CELF2: variants seen among roughly 807,000 people sequenced by gnomAD.
CELF2 encodes the protein CUGBP Elav-like family member 2, also known as CUG triplet repeat RNA-binding protein 2.
In CELF2, 8 loss-of-function variants were observed where a neutral mutation model predicts 62.6. The ratio of observed to expected loss-of-function variants is 0.13; its 90% CI spans 0.07 to 0.23. CELF2 has a LOEUF of 0.23. Among genes scored for constraint, CELF2 ranks in the 10% least tolerant of loss-of-function variants. The probability of loss-of-function intolerance (pLI) is 1.00; values close to 1 mark genes in which losing one functional copy is unlikely to be tolerated. For synonymous variants in CELF2, 258 were observed against 250.0 expected (o/e 1.03, Z -0.30); for missense variants, 333 against 671.0 (o/e 0.50, Z 5.56).
intron 2 of CELF2, among the ~76,000 whole-genome samples, chr10:10,954,195 G>A (rs2048626351): frequency 6.8e-6 from 1 of 147,380 alleles, no homozygotes; most frequent in African/African-American, 2.5e-5. Context: ...TCTATAGAGG[G>A]CAATTTGGCA....
At position 10,971,586 on chromosome 10, in the gene CELF2, TTTG is replaced by T. The variant is rs142078399; in HGVS notation, c.89+51596_89+51598del. 7.6e-3 allele frequency among the ~76,000 whole-genome samples: 1,153 copies of T among 152,184 alleles called. 11 individuals are homozygous for T. The highest frequency in any genetic ancestry group is 0.018 in the South Asian group (85 of 4,812). On this transcript the variant is annotated intron_variant, in intron 2 of 13. Coordinates refer to the CELF2 transcript ENST00000636488. ...TTGTTGTTGTTGTTGTTTGTTTGTT[TTTG>T]TTGTTGTTTTGTTTACAGACAGAGT...
intron 1 of CELF2, among the ~76,000 whole-genome samples, chr10:10,891,989 A>G (rs79161080): frequency 1.3e-5 from 2 of 152,176 alleles, no homozygotes; most frequent in African/African-American, 4.8e-5. Context: ...TATTCTTTAA[A>G]ATATGTTTGC....
At chr10:10,730,011 A>G in the CELF2 span, among the ~76,000 whole-genome samples, 1 of 152,336 alleles carries the variant, frequency 6.6e-6, no homozygotes, top group Admixed American at 6.5e-5. Flanking sequence ...AATGCACTTT[A>G]TACATCTTCA....
the CELF2 span, among the ~76,000 whole-genome samples, chr10:10,720,780 C>T: frequency 1.3e-5 from 2 of 152,244 alleles, no homozygotes; most frequent in Admixed American, 6.5e-5. Flanking sequence ...TGATGATCAA[C>T]TGTTGCATGT....
At chr10:10,581,127 CATA>C in the CELF2 span, among the ~76,000 whole-genome samples, 3 of 152,160 alleles carry the variant, frequency 2.0e-5, no homozygotes, top group Non-Finnish European at 4.4e-5. Context: ...AGTGTTTGCA[CATA>C]ATAATTGTTG....
At chr10:10,464,035 C>A in the CELF2 span, among the ~76,000 whole-genome samples, 154 of 151,230 alleles carry the variant, frequency 1.0e-3, no homozygotes, top group Non-Finnish European at 4.4e-4. Context: ...GCATTCCATA[C>A]GCTGGTAACA....
the CELF2 span, among the ~76,000 whole-genome samples, chr10:10,787,930 T>C: frequency 2.6e-5 from 4 of 152,204 alleles, no homozygotes; most frequent in African/African-American, 9.6e-5. Flanking sequence ...CATTATGGGA[T>C]GTCCTAATAT....
At chr10:11,283,606 G>A (rs1050198675) in intron 8 of CELF2, among the ~76,000 whole-genome samples, 21 of 151,242 alleles carry the variant, frequency 1.4e-4, no homozygotes, top group Non-Finnish European at 2.2e-4. Context: ...TGATGGATGG[G>A]GGCTGAATGA....
the CELF2 span, among the ~76,000 whole-genome samples, chr10:10,616,691 C>CGTGTGT: frequency 2.8e-4 from 37 of 134,514 alleles, no homozygotes; most frequent in Non-Finnish European, 4.2e-4. Flanking sequence ...TGTGTGTGTG[C>CGTGTGT]GTGTGTGTGT....
the CELF2 span, among the ~76,000 whole-genome samples, chr10:10,555,709 T>G: frequency 3.9e-5 from 6 of 152,174 alleles, no homozygotes; most frequent in Non-Finnish European, 7.3e-5. Context: ...CTTCACTTTC[T>G]CTTATGTGTA....
At position 11,208,700 on chromosome 10, in the gene CELF2, T is replaced by C. The variant is rs530171785; in HGVS notation, c.272-8725T>C. Among the ~76,000 whole-genome samples, 3 of 152,336 alleles carry C rather than the reference T, an allele frequency of 2.0e-5. No individual in the cohort carries two copies. In the East Asian group the frequency reaches 5.8e-4, roughly 29 times the overall value. ...AAAGTTAGAGCAGTATTTTTAAGTT[T>C]TATGGCTGGCTTTGGGGAAACGGGG... On this transcript the variant is annotated intron_variant, in intron 2 of 12. Transcript: ENST00000633077.
At chr10:10,974,461 T>C (rs2051110122) in intron 2 of CELF2, among the ~76,000 whole-genome samples, 1 of 152,218 alleles carries the variant, frequency 6.6e-6, no homozygotes, top group Non-Finnish European at 1.5e-5. Context: ...CTCCATAAGA[T>C]AGACTGGATT....
intron 9 of CELF2, among the ~76,000 whole-genome samples, chr10:11,291,865 G>T (rs554469646): frequency 6.6e-6 from 1 of 152,178 alleles, no homozygotes; most frequent in Non-Finnish European, 1.5e-5. Context: ...AATTTTGAGC[G>T]CTTGAAGAGA....
upstream of CELF2, among the ~76,000 whole-genome samples, chr10:11,016,073 T>A (rs577987236): frequency 2.6e-5 from 4 of 152,360 alleles, no homozygotes; most frequent in Admixed American, 2.6e-4. This position sits in a 1 kb window ranked among gnomAD's most constrained non-coding sequence, Gnocchi z 5.2. Context: ...TTTTATATAG[T>A]CAGCTGATTA....
chr10:11,196,864 C>T (rs564271889), intron 2 of CELF2, among the ~76,000 whole-genome samples: 44 of 151,080 alleles, frequency 2.9e-4, no homozygotes, highest in African/African-American at 1.0e-3. Context: ...GGGGCTGAGG[C>T]AGGAGAATGA....
Position 11,247,806 on chromosome 10 carries a change from C to T in CELF2, c.355-1347C>T, listed in dbSNP as rs954787891. Reference sequence around the variant, plus strand: ...CCCCAGGCATGTTGCTGGTCCTTCTCTCCATTTCTATAGGATAGAGGTCAC... The same window carrying T: ...CCCCAGGCATGTTGCTGGTCCTTCTTTCCATTTCTATAGGATAGAGGTCAC... On this transcript the variant is annotated intron_variant, in intron 3 of 12. Coordinates refer to ENST00000633077, the MANE Select transcript of CELF2 (RefSeq NM_001326342.2). The surrounding 1 kb of genome is among the most constrained non-coding windows in gnomAD (Gnocchi z 5.4). Among the ~76,000 whole-genome samples, 4 of 152,220 alleles carry T rather than the reference C, an allele frequency of 2.6e-5. No individual in the cohort carries two copies. Among genetic ancestry groups the T allele is most frequent in the African/African-American group, 9.7e-5 (4 of 41,446 alleles).
At chr10:10,648,618 T>C in the CELF2 span, among the ~76,000 whole-genome samples, 1 of 152,198 alleles carries the variant, frequency 6.6e-6, no homozygotes. Context: ...CTCTATGTCA[T>C]GATAGATCGT....
At chr10:11,320,151 G>A (rs1402614057) in intron 10 of CELF2, among the ~76,000 whole-genome samples, 10 of 152,110 alleles carry the variant, frequency 6.6e-5, no homozygotes, top group East Asian at 1.9e-4. Context: ...CACCTCTTCC[G>A]TTTCCTGAGT....
chr10:10,743,801 C>T, the CELF2 span, among the ~76,000 whole-genome samples: 224 of 152,260 alleles, frequency 1.5e-3, 1 homozygote, highest in African/African-American at 5.1e-3. Context: ...CTCTTAAAGA[C>T]ACTACTTTAG....
Sources: allele counts gnomAD v4.1 joint callset (sites outside exome capture counted in the v4.1 genomes callset), GRCh38; gene constraint gnomAD v4.1.1; non-coding constraint Gnocchi (gnomAD v3.1); transcripts MANE v1.5; gene names NCBI Gene and HGNC (gene_info 2026-07-23, HGNC 2026-07-21).